The following ZNF804A variants were observed in gnomAD, a reference collection of about 807,000 sequenced individuals.
The protein encoded by ZNF804A is zinc finger protein 804A.
In ZNF804A, 2 loss-of-function variants were observed where a neutral mutation model predicts 16.5. That is an observed-to-expected ratio of 0.12 (90% CI 0.05 to 0.38). The LOEUF (loss-of-function observed/expected upper bound fraction) is 0.38, where lower values mean the gene tolerates loss of function less well. Ranked by LOEUF, ZNF804A falls within the 10% of genes least tolerant of loss-of-function variation. The probability of loss-of-function intolerance (pLI) is 0.99; values close to 1 mark genes in which losing one functional copy is unlikely to be tolerated. For synonymous variants in ZNF804A, 534 were observed against 489.6 expected, an observed-to-expected ratio of 1.09 and a Z score of -1.20; for missense variants, 1,473 against 1,390.7, an observed-to-expected ratio of 1.06 and a Z score of -0.94.
intron 1 of ZNF804A, among the ~76,000 whole-genome samples, chr2:184,630,865 A>T (rs868062472): frequency 3.3e-5 from 5 of 151,432 alleles, no homozygotes; most frequent in African/African-American, 7.3e-5. Flanking sequence ...CTGTCATTTT[A>T]AAAAAAAATA....
chr2:184,701,325 T>C (rs1692916106), intron 1 of ZNF804A, among the ~76,000 whole-genome samples: 1 of 151,960 alleles, frequency 6.6e-6, no homozygotes, highest in Admixed American at 6.6e-5. Flanking sequence ...TAGAAAGATA[T>C]TGTATATAAA....
intron 1 of ZNF804A, among the ~76,000 whole-genome samples, chr2:184,849,092 T>TA (rs1200930550): frequency 1.3e-5 from 2 of 152,058 alleles, no homozygotes; most frequent in African/African-American, 4.8e-5. Context: ...TGACCCTCTT[T>TA]AAAATCTTAG....
intron 2 of ZNF804A, among the ~76,000 whole-genome samples, chr2:184,931,103 C>T (rs192185249): frequency 7.2e-5 from 11 of 152,168 alleles, no homozygotes; most frequent in South Asian, 2.1e-4. Flanking sequence ...TAGAACAGCA[C>T]GGGAAAGACC....
intron 2 of ZNF804A, among the ~76,000 whole-genome samples, chr2:184,883,002 T>C (rs1684832644): frequency 6.6e-6 from 1 of 151,922 alleles, no homozygotes; most frequent in Non-Finnish European, 1.5e-5. Context: ...CACAATTTGG[T>C]TTTTGGAAAG....
intron 1 of ZNF804A, among the ~76,000 whole-genome samples, chr2:184,836,262 C>A (rs952954650): frequency 1.3e-5 from 2 of 152,068 alleles, no homozygotes; most frequent in African/African-American, 2.4e-5. Flanking sequence ...AGGGCCTGTT[C>A]TTTGTTTGCT....
chr2:184,877,551 C>T (rs1432371984), intron 2 of ZNF804A, among the ~76,000 whole-genome samples: 1 of 151,766 alleles, frequency 6.6e-6, no homozygotes, highest in Non-Finnish European at 1.5e-5. Context: ...CCTATAGAAA[C>T]TAAGATGCTA....
intron 1 of ZNF804A, among the ~76,000 whole-genome samples, chr2:184,675,837 T>C (rs768949468): frequency 5.3e-5 from 8 of 151,766 alleles, no homozygotes; most frequent in Non-Finnish European, 1.0e-4. Flanking sequence ...TGAAATACTT[T>C]CCACACTAGT....
intron 1 of ZNF804A, among the ~76,000 whole-genome samples, chr2:184,803,302 T>C (rs1558966091): frequency 6.6e-6 from 1 of 152,178 alleles, no homozygotes; most frequent in Non-Finnish European, 1.5e-5. Flanking sequence ...CATATTCTCA[T>C]TGACGCCCAC....
At chr2:184,855,593 C>A (rs1695673824) in intron 1 of ZNF804A, among the ~76,000 whole-genome samples, 1 of 133,212 alleles carries the variant, frequency 7.5e-6, no homozygotes, top group Non-Finnish European at 1.6e-5. Flanking sequence ...CTGTAATGTA[C>A]ACATACACAT....
At chr2:184,798,873 G>A (rs1694678352) in intron 1 of ZNF804A, among the ~76,000 whole-genome samples, 1 of 152,114 alleles carries the variant, frequency 6.6e-6, no homozygotes, top group Non-Finnish European at 1.5e-5. Context: ...ATGTCAGAGG[G>A]AAGGTCTAGG....
intron 1 of ZNF804A, among the ~76,000 whole-genome samples, chr2:184,821,096 C>T (rs1695071716): frequency 6.6e-6 from 1 of 151,914 alleles, no homozygotes; most frequent in African/African-American, 2.4e-5. Flanking sequence ...CAAGAAAGAG[C>T]CCAAATAGCC....
At chr2:184,734,995 A>G (rs1188951645) in intron 1 of ZNF804A, among the ~76,000 whole-genome samples, 3 of 152,160 alleles carry the variant, frequency 2.0e-5, no homozygotes, top group Non-Finnish European at 2.9e-5. Context: ...GCTGCTTGTT[A>G]ATTAGTATTT....
At chr2:184,906,054 A>C (rs1044760452) in intron 2 of ZNF804A, among the ~76,000 whole-genome samples, 48 of 152,110 alleles carry the variant, frequency 3.2e-4, no homozygotes, top group African/African-American at 1.1e-3. Flanking sequence ...TATGGTTTTA[A>C]CTTTTAAAAG....
chr2:184,916,514 A>G (rs1277998761), intron 2 of ZNF804A, among the ~76,000 whole-genome samples: 1 of 152,196 alleles, frequency 6.6e-6, no homozygotes, highest in Non-Finnish European at 1.5e-5. Context: ...ATCTATGATA[A>G]GATTACATTC....
chr2:184,816,330 A>G (rs578251147), intron 1 of ZNF804A, among the ~76,000 whole-genome samples: 2 of 152,028 alleles, frequency 1.3e-5, no homozygotes, highest in South Asian at 4.1e-4. Context: ...TTTTACTTGG[A>G]ATACAGTTTT....
intron 1 of ZNF804A, among the ~76,000 whole-genome samples, chr2:184,813,175 A>G (rs765668740): frequency 1.3e-5 from 2 of 152,146 alleles, no homozygotes; most frequent in Non-Finnish European, 2.9e-5. Flanking sequence ...ATTTATTCAT[A>G]CAAAGTGGTT....
Position 184,866,494 on chromosome 2 carries a change from T to C in ZNF804A, c.237T>C (p.Tyr79=). 6.2e-7 allele frequency: 1 copy of C among 1,610,114 alleles called. No individual in the cohort carries two copies. Among genetic ancestry groups the C allele is most frequent in the Non-Finnish European group, 8.5e-7 (1 of 1,178,560 alleles). The change falls in exon 2 of 4, where the codon TAT becomes TAC. Residue 79 remains tyrosine (Y), a synonymous_variant. Coordinates refer to ENST00000302277, the MANE Select transcript of ZNF804A (RefSeq NM_194250.2). ...HQEFDNHINS[Y]DHAHKQRLKE... is the part of the protein sequence containing the mutation. ...AGTTTGACAATCACATTAATTCATATGACCATGCTCACAAGCAGGTAAGAA... is the reference window on the plus strand; with the variant it reads ...AGTTTGACAATCACATTAATTCATACGACCATGCTCACAAGCAGGTAAGAA...
chr2:184,913,277 T>A (rs1318715891), intron 2 of ZNF804A, among the ~76,000 whole-genome samples: 1 of 152,180 alleles, frequency 6.6e-6, no homozygotes, highest in African/African-American at 2.4e-5. Context: ...TATTGGATAA[T>A]GGCACATAGG....
At chr2:184,769,432 A>G (rs1044763075) in intron 1 of ZNF804A, among the ~76,000 whole-genome samples, 2 of 152,058 alleles carry the variant, frequency 1.3e-5, no homozygotes, top group African/African-American at 4.8e-5. Context: ...TATTTCTGGA[A>G]CCAAAATTAA....
Sources: allele counts gnomAD v4.1 joint callset (sites outside exome capture counted in the v4.1 genomes callset), GRCh38; gene constraint gnomAD v4.1.1; transcripts MANE v1.5; gene names NCBI Gene and HGNC (gene_info 2026-07-23, HGNC 2026-07-21).